The following SV2B variants were observed in gnomAD, a reference collection of about 807,000 sequenced individuals.
SV2B encodes the protein solute carrier family 22 member B2.
Under a neutral mutation model 73.9 loss-of-function variants are expected in SV2B, and 41 were observed. The observed-to-expected ratio is 0.56, with a 90% CI of 0.43 to 0.72. SV2B has a LOEUF of 0.72. SV2B is among the 30% of genes least tolerant of loss of function. The pLI, the probability that SV2B is intolerant of heterozygous loss-of-function variation, is 0.00. For missense variants in SV2B, 764 were observed against 857.8 expected, an observed-to-expected ratio of 0.89 and a Z score of 1.37; for synonymous variants, 314 against 314.2, an observed-to-expected ratio of 1.00 and a Z score of 0.01.
chr15:91,221,693 GCACACACACACACA>G (rs3082137), intron 1 of SV2B, among the ~76,000 whole-genome samples: 3 of 140,068 alleles, frequency 2.1e-5, no homozygotes, highest in Non-Finnish European at 4.6e-5. Context: ...AAGCATGTGC[GCACACACACACACA>G]CACACACACA....
intron 1 of SV2B, among the ~76,000 whole-genome samples, chr15:91,107,421 T>G (rs577312079): frequency 6.6e-6 from 1 of 151,914 alleles, no homozygotes; most frequent in Non-Finnish European, 1.5e-5. Context: ...CAAGCGATTC[T>G]CCTGCCTCAG....
chr15:91,211,382 T>C (rs747091245), intron 1 of SV2B, among the ~76,000 whole-genome samples: 9 of 152,190 alleles, frequency 5.9e-5, no homozygotes, highest in Admixed American at 5.2e-4. Context: ...CATGGCAGTC[T>C]TCAGGATCAC....
chr15:91,175,657 A>G (rs1372639565), intron 1 of SV2B, among the ~76,000 whole-genome samples: 2 of 151,956 alleles, frequency 1.3e-5, no homozygotes, highest in Admixed American at 6.6e-5. Context: ...AAATTTCTCC[A>G]TGTCCTTTAG....
intron 2 of SV2B, among the ~76,000 whole-genome samples, chr15:91,233,903 A>G (rs1470889135): frequency 6.6e-6 from 1 of 152,226 alleles, no homozygotes; most frequent in Non-Finnish European, 1.5e-5. Context: ...ACACTCCAAA[A>G]GAATGACTTG....
intron 1 of SV2B, among the ~76,000 whole-genome samples, chr15:91,162,396 C>G (rs2043752675): frequency 6.6e-6 from 1 of 151,990 alleles, no homozygotes; most frequent in Non-Finnish European, 1.5e-5. Flanking sequence ...AAAATAATAG[C>G]AAAAAATGTA....
chr15:91,270,741 A>G (rs1168520277), intron 9 of SV2B, among the ~76,000 whole-genome samples: 1 of 151,158 alleles, frequency 6.6e-6, no homozygotes, highest in African/African-American at 2.4e-5. Context: ...GGGAGTGAGG[A>G]GGAAACAGGG....
intron 1 of SV2B, among the ~76,000 whole-genome samples, chr15:91,164,194 A>G (rs1168179110): frequency 6.6e-6 from 1 of 152,190 alleles, no homozygotes; most frequent in Non-Finnish European, 1.5e-5. Context: ...TTATAGATTC[A>G]ATGCCATCCC....
At chr15:91,165,976 C>G (rs2043897807) in intron 1 of SV2B, among the ~76,000 whole-genome samples, 1 of 152,154 alleles carries the variant, frequency 6.6e-6, no homozygotes, top group Non-Finnish European at 1.5e-5. Context: ...AGGATGTTTT[C>G]ACTGAATATA....
At position 91,182,480 on chromosome 15, in the gene SV2B, T is replaced by C. The variant is rs576873901; in HGVS notation, c.-391-43393T>C. On this transcript the variant is annotated intron_variant, in intron 1 of 12. Coordinates refer to ENST00000394232, the MANE Select transcript of SV2B (RefSeq NM_001323032.3). Reference sequence around the variant, plus strand: ...TCTGAATTAAGATTATGGACCTGAATAGGGTTCCAATGACAATGATAGTTC... The same window carrying C: ...TCTGAATTAAGATTATGGACCTGAACAGGGTTCCAATGACAATGATAGTTC... 3.3e-5 allele frequency among the ~76,000 whole-genome samples: 5 copies of C among 152,332 alleles called. No individual in the cohort carries two copies. In the East Asian group the frequency reaches 9.6e-4, roughly 29 times the overall value.
chr15:91,115,621 C>G lies in SV2B; in HGVS notation c.-392+15258C>G, dbSNP rs759757237. On this transcript the variant is annotated intron_variant, in intron 1 of 12. Transcript: ENST00000394232. This position sits in a 1 kb window ranked among gnomAD's most constrained non-coding sequence, Gnocchi z 4.3. Reference sequence around the variant, plus strand: ...TGAACTCCTGAACTCAAGCGATCCACCCGCCTCGACCTCTCAAAGTGCTGG... The same window carrying G: ...TGAACTCCTGAACTCAAGCGATCCAGCCGCCTCGACCTCTCAAAGTGCTGG... 6.6e-6 allele frequency among the ~76,000 whole-genome samples: 1 copy of G among 152,044 alleles called. No homozygotes were observed.
At chr15:91,198,371 C>T (rs1391662732) in intron 1 of SV2B, among the ~76,000 whole-genome samples, 1 of 151,934 alleles carries the variant, frequency 6.6e-6, no homozygotes, top group South Asian at 2.1e-4. Context: ...AAAACAAAGC[C>T]ATTACCTTCG....
At position 91,290,119 on chromosome 15, in the gene SV2B, C is replaced by T. The variant is rs1015536477; in HGVS notation, c.1868+439C>T. Among the ~76,000 whole-genome samples, 1 of 152,040 alleles carries T rather than the reference C, an allele frequency of 6.6e-6. No individual in the cohort carries two copies. The highest frequency in any genetic ancestry group is 2.4e-5 in the African/African-American group (1 of 41,354). ...ATCTGCAGAGAATGTGGCAGGGAGG[C>T]CCAGGGGTTACTTTTATTTTGCACA... is the stretch of plus-strand genomic sequence containing the variant. On this transcript the variant is annotated intron_variant, in intron 12 of 12. Transcript: ENST00000394232. This position sits in a 1 kb window ranked among gnomAD's most constrained non-coding sequence, Gnocchi z 4.7.
At chr15:91,157,667 A>T (rs115763261) in intron 1 of SV2B, among the ~76,000 whole-genome samples, 2,723 of 152,296 alleles carry the variant, frequency 0.018, 98 homozygotes, top group African/African-American at 0.062. Flanking sequence ...GGGAGAACTG[A>T]GGCATAGGGA....
At position 91,258,302 on chromosome 15, in the gene SV2B, C is replaced by T. The variant is rs2047773835; in HGVS notation, c.785-119C>T. On this transcript the variant is annotated intron_variant, in intron 4 of 12. Coordinates refer to ENST00000394232, the MANE Select transcript of SV2B (RefSeq NM_001323032.3). This position sits in a 1 kb window ranked among gnomAD's most constrained non-coding sequence, Gnocchi z 4.7. ...CACAGCTGAGGAGTCTGCATTTTAA[C>T]CACCTCCCCGGGTGACTCTCTTGTG... 4.9e-6 allele frequency: 7 copies of T among 1,421,312 alleles called. No individual in the cohort carries two copies. Among genetic ancestry groups the T allele is most frequent in the Admixed American group, 4.7e-5 (2 of 42,174 alleles). 88.0% of individuals were successfully genotyped at this position (1,421,312 alleles called of 1,614,324 possible).
rs1168497848 is a variant in SV2B, at chr15:91,140,752, G to A, written c.-392+40389G>A. Among the ~76,000 whole-genome samples, 3 of 152,086 alleles carry A rather than the reference G, an allele frequency of 2.0e-5. No individual in the cohort carries two copies. The highest frequency in any genetic ancestry group is 7.2e-5 in the African/African-American group (3 of 41,414). On this transcript the variant is annotated intron_variant, in intron 1 of 12. Coordinates refer to ENST00000394232, the MANE Select transcript of SV2B (RefSeq NM_001323032.3). The surrounding 1 kb of genome is among the most constrained non-coding windows in gnomAD (Gnocchi z 4.4). ...AAACACCACCTTCTACCAAAGGCAT[G>A]CTTCTGTTTGTCTTGAAGAAGTTTC...
At position 91,137,518 on chromosome 15, in the gene SV2B, CACTT is replaced by C. The variant is rs2042867175; in HGVS notation, c.-392+37157_-392+37160del. Among the ~76,000 whole-genome samples the C allele has an allele frequency of 6.7e-6, 1 of 150,086 alleles. No homozygotes were observed. Among genetic ancestry groups the C allele is most frequent in the African/African-American group, 2.4e-5 (1 of 41,066 alleles). ...TATTTACTTTGAGACTCAGAAATCT[CACTT>C]ATTAGATTTTATTCCAAAACTACAG... On this transcript the variant is annotated intron_variant, in intron 1 of 12. Coordinates refer to ENST00000394232, the MANE Select transcript of SV2B (RefSeq NM_001323032.3). The surrounding 1 kb of genome is among the most constrained non-coding windows in gnomAD (Gnocchi z 4.9).
intron 10 of SV2B, among the ~76,000 whole-genome samples, chr15:91,282,654 C>T (rs1328100122): frequency 6.6e-6 from 1 of 152,204 alleles, no homozygotes; most frequent in Non-Finnish European, 1.5e-5. Flanking sequence ...ATTCATTCCT[C>T]AGTTGTTTGG....
In SV2B at chr15:91,292,610, C is replaced by T. The variant is rs2049083093; in HGVS notation, c.*58C>T. The T allele has an allele frequency of 2.6e-6, 4 of 1,558,284 alleles. No individual in the cohort carries two copies. The highest frequency in any genetic ancestry group is 1.2e-5 in the South Asian group (1 of 82,232). On this transcript the variant is annotated 3_prime_UTR_variant, in exon 13 of 13. Transcript: ENST00000394232. ...TCTTGTCCAGGACACTGAAATGCAT[C>T]CACACTTCCTGCCTATCACGGTCCG...
Position 91,110,451 on chromosome 15 carries a change from A to G in SV2B, c.-392+10088A>G, listed in dbSNP as rs1295995552. ...CTCAACAGCCTCCTCTGATTGCTCA[A>G]TCCTCTGGGATTTTCCCTGCCTGGC... On this transcript the variant is annotated intron_variant, in intron 1 of 12. Coordinates refer to ENST00000394232, the MANE Select transcript of SV2B (RefSeq NM_001323032.3). The surrounding 1 kb of genome is among the most constrained non-coding windows in gnomAD (Gnocchi z 5.4). Among the ~76,000 whole-genome samples, 3 of 152,126 alleles carry G rather than the reference A, an allele frequency of 2.0e-5. No homozygotes were observed. The highest frequency in any genetic ancestry group is 3.2e-3 in the Middle Eastern group (1 of 316).
Sources: allele counts gnomAD v4.1 joint callset (sites outside exome capture counted in the v4.1 genomes callset), GRCh38; gene constraint gnomAD v4.1.1; non-coding constraint Gnocchi (gnomAD v3.1); transcripts MANE v1.5; gene names NCBI Gene and HGNC (gene_info 2026-07-23, HGNC 2026-07-21).